SGCZ: variants seen among roughly 807,000 people sequenced by gnomAD.
The protein encoded by SGCZ is zeta-sarcoglycan.
Under a neutral mutation model 41.3 loss-of-function variants are expected in SGCZ, and 40 were observed. The ratio of observed to expected loss-of-function variants is 0.97; its 90% CI spans 0.75 to 1.26. SGCZ has a LOEUF of 1.26. Among genes scored for constraint, SGCZ ranks in the 50% most tolerant of loss-of-function variants. The probability of loss-of-function intolerance (pLI) is 0.00; values close to 1 mark genes in which losing one functional copy is unlikely to be tolerated. For missense variants in SGCZ, 552 were observed against 369.8 expected, an observed-to-expected ratio of 1.49 and a Z score of -4.04; for synonymous variants, 206 against 137.5, an observed-to-expected ratio of 1.50 and a Z score of -3.49.
At chr8:14,628,610 T>C (rs896394475) in intron 1 of SGCZ, among the ~76,000 whole-genome samples, 1 of 152,100 alleles carries the variant, frequency 6.6e-6, no homozygotes, top group African/African-American at 2.4e-5. Context: ...AGAGGAGCTC[T>C]TGTCAAATAG....
intron 1 of SGCZ, among the ~76,000 whole-genome samples, chr8:15,106,937 T>A (rs144949032): frequency 7.9e-5 from 12 of 152,112 alleles, no homozygotes; most frequent in African/African-American, 2.9e-4. Context: ...GTGTTGAATT[T>A]TTTTATTAAT....
chr8:14,658,810 A>G (rs990359767), intron 1 of SGCZ, among the ~76,000 whole-genome samples: 40 of 152,092 alleles, frequency 2.6e-4, no homozygotes, highest in African/African-American at 9.7e-4. Context: ...CCCAGAATCT[A>G]GAAGAGTATC....
At chr8:14,772,011 A>G (rs1490384931) in intron 1 of SGCZ, among the ~76,000 whole-genome samples, 1 of 152,154 alleles carries the variant, frequency 6.6e-6, no homozygotes, top group African/African-American at 2.4e-5. Flanking sequence ...CAACTTTACA[A>G]TGGGGTGAAA....
intron 3 of SGCZ, among the ~76,000 whole-genome samples, chr8:14,307,451 T>C (rs1801385852): frequency 6.6e-6 from 1 of 152,156 alleles, no homozygotes; most frequent in Non-Finnish European, 1.5e-5. Flanking sequence ...GGCAAATAAC[T>C]ACAGTACATT....
intron 1 of SGCZ, among the ~76,000 whole-genome samples, chr8:15,067,736 T>A (rs1805205760): frequency 6.6e-6 from 1 of 152,198 alleles, no homozygotes; most frequent in Non-Finnish European, 1.5e-5. Flanking sequence ...TCTATAAATA[T>A]CTATTAGCTG....
At position 14,174,116 on chromosome 8, in the gene SGCZ, A is replaced by G. The variant is rs187748445; in HGVS notation, c.425-9414T>C. Among the ~76,000 whole-genome samples the G allele has an allele frequency of 2.0e-5, 3 of 152,258 alleles. No homozygotes were observed. The East Asian group carries it at 5.8e-4, about 29-fold the overall frequency. ...TAAATAGATAAATCCAATCCAATAC[A>G]ATTTTCATACTTAACTTAAAAATTA... On this transcript the variant is annotated intron_variant, in intron 4 of 7. Coordinates refer to ENST00000382080, the MANE Select transcript of SGCZ (RefSeq NM_139167.4).
intron 1 of SGCZ, among the ~76,000 whole-genome samples, chr8:14,601,854 C>G (rs1437406712): frequency 1.3e-5 from 2 of 152,170 alleles, no homozygotes; most frequent in African/African-American, 2.4e-5. Flanking sequence ...GGCGCGGTGG[C>G]TCACGCCTGT....
chr8:14,344,613 G>A (rs1223081194), intron 2 of SGCZ, among the ~76,000 whole-genome samples: 1 of 152,016 alleles, frequency 6.6e-6, no homozygotes, highest in African/African-American at 2.4e-5. Context: ...GGAACGAAAG[G>A]CTTAGAAAAG....
intron 2 of SGCZ, among the ~76,000 whole-genome samples, chr8:14,536,916 G>A (rs956047865): frequency 6.6e-6 from 1 of 151,894 alleles, no homozygotes; most frequent in Admixed American, 6.6e-5. Context: ...TCATCACTAG[G>A]AAGCTATAAA....
At chr8:14,904,625 C>T (rs915009855) in intron 1 of SGCZ, among the ~76,000 whole-genome samples, 1 of 151,964 alleles carries the variant, frequency 6.6e-6, no homozygotes, top group East Asian at 1.9e-4. Context: ...ATTTCACCAA[C>T]TGCACAATTT....
intron 3 of SGCZ, among the ~76,000 whole-genome samples, chr8:14,282,616 T>A (rs1031373834): frequency 3.4e-4 from 52 of 152,158 alleles, no homozygotes; most frequent in African/African-American, 1.0e-3. Context: ...CATGCTAACA[T>A]GAGAAAGGAG....
Position 14,085,642 on chromosome 8 carries a change from C to T in SGCZ, c.*4801G>A, listed in dbSNP as rs1801502047. 6.6e-6 allele frequency among the ~76,000 whole-genome samples: 1 copy of T among 151,758 alleles called. No homozygotes were observed. The highest frequency in any genetic ancestry group is 2.1e-4 in the South Asian group (1 of 4,834). On this transcript the variant is annotated 3_prime_UTR_variant, in exon 8 of 8. Coordinates refer to ENST00000382080, the MANE Select transcript of SGCZ (RefSeq NM_139167.4). ...TCAGCAAGCAGTGAAAGTTGAAACT[C>T]AGCTGAGGAGATCCATGCTGGGCCC...
Position 15,237,580 on chromosome 8 carries a change from C to T in SGCZ, c.39+5G>A, listed in dbSNP as rs374839960. 3.8e-6 allele frequency: 6 copies of T among 1,588,658 alleles called. No homozygotes were observed. The highest frequency in any genetic ancestry group is 1.7e-4 in the Middle Eastern group (1 of 5,990). ...GCCGCGAAGCCCGCCCGGACCCGCA[C>T]GTACCTTGAGCTCCTCAATGTCCAG... On this transcript the variant is annotated splice_donor_5th_base_variant and intron_variant, in intron 1 of 7. Transcript: ENST00000382080.
intron 1 of SGCZ, among the ~76,000 whole-genome samples, chr8:14,965,533 A>C (rs1223534035): frequency 6.6e-6 from 1 of 152,178 alleles, no homozygotes; most frequent in Non-Finnish European, 1.5e-5. Flanking sequence ...ATATTATATG[A>C]TGATCACAAG....
chr8:14,788,879 G>A (rs575174682), intron 1 of SGCZ, among the ~76,000 whole-genome samples: 11 of 152,212 alleles, frequency 7.2e-5, no homozygotes, highest in Admixed American at 6.5e-4. Context: ...GGGTAGCCAA[G>A]GTAGGAAGAT....
chr8:14,353,947 G>C (rs1803195616), intron 2 of SGCZ, among the ~76,000 whole-genome samples: 1 of 151,962 alleles, frequency 6.6e-6, no homozygotes, highest in African/African-American at 2.4e-5. Context: ...ATAATTTGGA[G>C]AAGTCTAGCT....
intron 1 of SGCZ, among the ~76,000 whole-genome samples, chr8:15,179,042 A>G (rs182354125): frequency 1.1e-3 from 172 of 152,296 alleles, no homozygotes; most frequent in Middle Eastern, 0.01. Context: ...CTAAAAAACT[A>G]CGTATTATAT....
chr8:14,451,749 C>A (rs572431888), intron 2 of SGCZ, among the ~76,000 whole-genome samples: 38 of 152,306 alleles, frequency 2.5e-4, no homozygotes, highest in Non-Finnish European at 4.3e-4. Context: ...AAATGTCCAA[C>A]ATTGTATATC....
intron 2 of SGCZ, among the ~76,000 whole-genome samples, chr8:14,401,826 T>C (rs1799085464): frequency 6.6e-6 from 1 of 150,920 alleles, no homozygotes; most frequent in Admixed American, 6.6e-5. Context: ...CTGGGTCAAA[T>C]GGTATTTCTA....
Sources: gnomAD v4.1 joint callset for allele counts (sites outside exome capture counted in the v4.1 genomes callset) on GRCh38, gnomAD v4.1.1 for gene constraint, MANE v1.5 for transcripts, NCBI Gene and HGNC (gene_info 2026-07-23, HGNC 2026-07-21) for gene names.